REC114: variants seen among roughly 807,000 people sequenced by gnomAD.
REC114 encodes meiotic recombination protein REC114.
In REC114, 27 loss-of-function variants were observed where a neutral mutation model predicts 31.3. The ratio of observed to expected loss-of-function variants is 0.86; its 90% CI spans 0.64 to 1.19. The LOEUF is 1.19. Ranked by LOEUF, REC114 falls within the 50% of genes most tolerant of loss-of-function variation. The probability of loss-of-function intolerance (pLI) is 0.00; values close to 1 mark genes in which losing one functional copy is unlikely to be tolerated. For synonymous variants in REC114, 134 were observed against 127.7 expected, an observed-to-expected ratio of 1.05 and a Z score of -0.33; for missense variants, 344 against 326.9, an observed-to-expected ratio of 1.05 and a Z score of -0.40.
At chr15:73,555,313 T>C (rs1894449447) in intron 4 of REC114, among the ~76,000 whole-genome samples, 1 of 152,058 alleles carries the variant, frequency 6.6e-6, no homozygotes, top group Non-Finnish European at 1.5e-5. Flanking sequence ...GTCTGGAGAT[T>C]AGCACTGCAG....
At chr15:73,507,791 TTATAAA>T (rs1893701710) in intron 2 of REC114, among the ~76,000 whole-genome samples, 1 of 152,116 alleles carries the variant, frequency 6.6e-6, no homozygotes, top group Non-Finnish European at 1.5e-5. Context: ...AAGCAGCAAC[TTATAAA>T]TAAGTAAGCA....
chr15:73,515,123 G>C (rs1016313412), intron 2 of REC114, among the ~76,000 whole-genome samples: 1 of 151,708 alleles, frequency 6.6e-6, no homozygotes, highest in African/African-American at 2.4e-5. Flanking sequence ...GTAGAGATTG[G>C]GTGTCTCTCT....
intron 1 of REC114, among the ~76,000 whole-genome samples, chr15:73,443,671 C>T (rs979750433): frequency 3.9e-5 from 6 of 152,134 alleles, no homozygotes; most frequent in South Asian, 4.1e-4. Context: ...AAGATATAAA[C>T]GCTCCCCACC....
At chr15:73,544,316 A>G (rs1228861031) in intron 3 of REC114, among the ~76,000 whole-genome samples, 1 of 152,192 alleles carries the variant, frequency 6.6e-6, no homozygotes, top group East Asian at 1.9e-4. Flanking sequence ...CCTGGCAAAG[A>G]GTATCTGATG....
At chr15:73,470,041 G>A (rs540299607) in intron 1 of REC114, among the ~76,000 whole-genome samples, 1 of 151,992 alleles carries the variant, frequency 6.6e-6, no homozygotes, top group Non-Finnish European at 1.5e-5. Context: ...TTTCTTGTAG[G>A]CAGCATATAG....
At chr15:73,496,651 CAAA>C (rs202054841) in intron 2 of REC114, among the ~76,000 whole-genome samples, 2 of 84,674 alleles carry the variant, frequency 2.4e-5, no homozygotes, top group Non-Finnish European at 2.5e-5. Context: ...AGACTCCATC[CAAA>C]AAAAAAAAAA....
intron 2 of REC114, among the ~76,000 whole-genome samples, chr15:73,515,611 T>C (rs1019967576): frequency 3.3e-5 from 5 of 152,132 alleles, no homozygotes; most frequent in African/African-American, 4.8e-5. Flanking sequence ...GTGATGAGAT[T>C]AGTGCTTTTA....
At chr15:73,544,160 G>A (rs1438369237) in intron 3 of REC114, among the ~76,000 whole-genome samples, 1 of 151,820 alleles carries the variant, frequency 6.6e-6, no homozygotes, top group Non-Finnish European at 1.5e-5. Flanking sequence ...TTCAATTATA[G>A]TTTATTTAAT....
At position 73,551,166 on chromosome 15, in the gene REC114, T is replaced by G; in HGVS notation, c.546+16T>G. 1 of 1,580,366 alleles carries G rather than the reference T, an allele frequency of 6.3e-7. No individual in the cohort carries two copies. ...GCAGCCTGGAGTAAGTAGGCTGATG[T>G]GTTGGTTATACAGGAAACATGACAA... On this transcript the variant is annotated intron_variant, in intron 4 of 5. Coordinates refer to ENST00000331090, the MANE Select transcript of REC114 (RefSeq NM_001042367.2).
At chr15:73,474,014 A>G in intron 2 of REC114, 93 bp downstream of exon 2, 1 of 784,112 alleles carries the variant, frequency 1.3e-6, no homozygotes. Context: ...CTTCAGTCTC[A>G]CTGTAATTCA....
intron 2 of REC114, among the ~76,000 whole-genome samples, chr15:73,537,497 A>C (rs1595880471): frequency 1.7e-5 from 2 of 115,270 alleles, no homozygotes; most frequent in African/African-American, 9.7e-5. Flanking sequence ...TCCCCCCCTG[A>C]ATCAACTCCA....
At chr15:73,492,119 G>A (rs75479534) in intron 2 of REC114, among the ~76,000 whole-genome samples, 2,152 of 152,192 alleles carry the variant, frequency 0.014, 22 homozygotes, top group African/African-American at 0.022. Flanking sequence ...TTAAGAAACA[G>A]AACATTTTCA....
intron 1 of REC114, among the ~76,000 whole-genome samples, chr15:73,447,658 A>AATAC (rs537508493): frequency 8.1e-4 from 111 of 136,420 alleles, no homozygotes; most frequent in African/African-American, 2.9e-3. Context: ...AAAATAAATA[A>AATAC]ATAAATAAAT....
At chr15:73,462,884 C>CAAAAAAAAAAAAAAAAAAAAAA (rs769569268) in intron 1 of REC114, among the ~76,000 whole-genome samples, 12 of 55,650 alleles carry the variant, frequency 2.2e-4, no homozygotes, top group African/African-American at 5.6e-4. Flanking sequence ...GACTCCGTCT[C>CAAAAAAAAAAAAAAAAAAAAAA]AAAAAAAAAA....
chr15:73,459,205 C>T (rs1055539139), intron 1 of REC114, among the ~76,000 whole-genome samples: 12 of 151,400 alleles, frequency 7.9e-5, no homozygotes, highest in Non-Finnish European at 1.2e-4. Context: ...TTTACAGATG[C>T]GGTAATTAAA....
At chr15:73,498,317 G>T (rs1351378951) in intron 2 of REC114, among the ~76,000 whole-genome samples, 2 of 152,028 alleles carry the variant, frequency 1.3e-5, no homozygotes, top group Non-Finnish European at 2.9e-5. Context: ...CTTTGCTGTA[G>T]GTATTTGGAG....
intron 2 of REC114, among the ~76,000 whole-genome samples, chr15:73,496,514 G>A (rs896514475): frequency 4.0e-5 from 6 of 151,792 alleles, no homozygotes; most frequent in Admixed American, 2.0e-4. Flanking sequence ...TTAGCCAGAC[G>A]TGGTGGCGGA....
At chr15:73,472,682 C>A (rs1464073548) in intron 1 of REC114, among the ~76,000 whole-genome samples, 7 of 152,072 alleles carry the variant, frequency 4.6e-5, no homozygotes. Flanking sequence ...TCACTTAAGA[C>A]CCAGATCCCA....
intron 1 of REC114, among the ~76,000 whole-genome samples, chr15:73,460,444 G>A (rs1892974674): frequency 6.6e-6 from 1 of 152,112 alleles, no homozygotes; most frequent in African/African-American, 2.4e-5. Flanking sequence ...TCAAGTACCT[G>A]CTTATTTCAA....
Sources: allele counts gnomAD v4.1 joint callset (sites outside exome capture counted in the v4.1 genomes callset), GRCh38; gene constraint gnomAD v4.1.1; transcripts MANE v1.5; gene names NCBI Gene and HGNC (gene_info 2026-07-23, HGNC 2026-07-21).